PDSS1: variants seen among roughly 807,000 people sequenced by gnomAD.
The protein encoded by PDSS1 is decaprenyl diphosphate synthase subunit 1.
PDSS1 carries 43 observed loss-of-function variants against 57.5 expected under a neutral mutation model. That is an observed-to-expected ratio of 0.75 (90% CI 0.59 to 0.96). The LOEUF is 0.96. Among genes scored for constraint, PDSS1 ranks in the 50% least tolerant of loss-of-function variants. The pLI is 0.00. For synonymous variants in PDSS1, 175 were observed against 191.3 expected (o/e 0.91, Z 0.70); for missense variants, 438 against 527.8 (o/e 0.83, Z 1.67).
At position 26,746,510 on chromosome 10, in the gene PDSS1, G is replaced by T; in HGVS notation, c.*37G>T. 1 of 1,610,472 alleles carries T rather than the reference G, an allele frequency of 6.2e-7. No homozygotes were observed. Among genetic ancestry groups the T allele is most frequent in the South Asian group, 1.1e-5 (1 of 90,948 alleles). Reference sequence around the variant, plus strand: ...GTTCTTTCTGGCAGCTATCTTACCAGACTGTGCCTAAAGAATTTTGTGGAA... The same window carrying T: ...GTTCTTTCTGGCAGCTATCTTACCATACTGTGCCTAAAGAATTTTGTGGAA... On this transcript the variant is annotated 3_prime_UTR_variant, in exon 12 of 12. Coordinates refer to ENST00000376215, the MANE Select transcript of PDSS1 (RefSeq NM_014317.5).
At chr10:26,742,793 G>A (rs1348728091) in intron 11 of PDSS1, among the ~76,000 whole-genome samples, 2 of 150,812 alleles carry the variant, frequency 1.3e-5, no homozygotes, top group Non-Finnish European at 3.0e-5. Context: ...GTTTTAACTG[G>A]TCTTAGGTAA....
intron 10 of PDSS1, among the ~76,000 whole-genome samples, chr10:26,738,026 GAAGTTAGCC>G (rs1269531619): frequency 6.6e-6 from 1 of 152,218 alleles, no homozygotes; most frequent in African/African-American, 2.4e-5. Flanking sequence ...ACATGGGCCA[GAAGTTAGCC>G]AAGTATGTAT....
At chr10:26,703,877 C>T (rs575147944) in intron 2 of PDSS1, among the ~76,000 whole-genome samples, 11 of 151,518 alleles carry the variant, frequency 7.3e-5, no homozygotes, top group East Asian at 2.0e-4. Flanking sequence ...GTCAGGAGAT[C>T]GAGACCATCC....
chr10:26,701,328 A>G (rs1320994577), intron 1 of PDSS1, among the ~76,000 whole-genome samples: 2 of 152,212 alleles, frequency 1.3e-5, no homozygotes, highest in African/African-American at 4.8e-5. Context: ...AGCCAAGAGA[A>G]TGGGGAAAAT....
At chr10:26,739,864 C>T (rs1018884055) in intron 10 of PDSS1, among the ~76,000 whole-genome samples, 5 of 152,094 alleles carry the variant, frequency 3.3e-5, no homozygotes, top group African/African-American at 9.7e-5. Flanking sequence ...TGGCCAGGCA[C>T]GGTGGCTCAC....
chr10:26,725,387 T>C (rs933197084), intron 8 of PDSS1, among the ~76,000 whole-genome samples: 1 of 152,356 alleles, frequency 6.6e-6, no homozygotes, highest in African/African-American at 2.4e-5. Context: ...GACAATCTTT[T>C]CTTCCTAAAA....
At chr10:26,729,177 G>A (rs1836078471) in intron 8 of PDSS1, among the ~76,000 whole-genome samples, 1 of 151,946 alleles carries the variant, frequency 6.6e-6, no homozygotes, top group Non-Finnish European at 1.5e-5. Context: ...CTGGCTCTGT[G>A]TCCTCCATCA....
In PDSS1 at chr10:26,746,726, T is replaced by A; in HGVS notation, c.*253T>A. On this transcript the variant is annotated 3_prime_UTR_variant, in exon 12 of 12. Coordinates refer to ENST00000376215, the MANE Select transcript of PDSS1 (RefSeq NM_014317.5). The stretch of plus-strand genomic sequence containing the variant: ...ATCAAGGTATCTTGATGGTTATATG[T>A]GGTATTGTTTACACTGTTAATATCC... 1 of 487,524 alleles carries A rather than the reference T, an allele frequency of 2.1e-6. No individual in the cohort carries two copies. Among genetic ancestry groups the A allele is most frequent in the East Asian group, 3.7e-5 (1 of 27,218 alleles). 30.2% of individuals were successfully genotyped at this position (487,524 alleles called of 1,614,324 possible).
At chr10:26,734,237 A>G (rs1325737346) in intron 8 of PDSS1, among the ~76,000 whole-genome samples, 1 of 152,252 alleles carries the variant, frequency 6.6e-6, no homozygotes, top group Non-Finnish European at 1.5e-5. Flanking sequence ...TCACTCCCTG[A>G]CTGGAGAGCC....
intron 8 of PDSS1, 32 bp downstream of exon 8, chr10:26,724,155 G>T: frequency 7.1e-7 from 1 of 1,412,430 alleles, no homozygotes. Context: ...TCAAGTTAAA[G>T]CCTCATAGCT....
At chr10:26,701,071 C>G (rs1960383) in intron 1 of PDSS1, among the ~76,000 whole-genome samples, 1 of 151,978 alleles carries the variant, frequency 6.6e-6, no homozygotes, top group Non-Finnish European at 1.5e-5. Context: ...TTCCTGGGAA[C>G]TGGGCAAAGG....
intron 8 of PDSS1, among the ~76,000 whole-genome samples, chr10:26,734,329 GCTGGCTTTCTCATGGAGAGTCAA>G (rs1340118084): frequency 6.6e-6 from 1 of 152,236 alleles, no homozygotes; most frequent in Non-Finnish European, 1.5e-5. Context: ...CAGTGCTCCA[GCTGGCTTTCTCATGGAGAGTCAA>G]CAGAGACATT....
intron 8 of PDSS1, among the ~76,000 whole-genome samples, chr10:26,725,527 T>A (rs1835922673): frequency 6.6e-6 from 1 of 152,016 alleles, no homozygotes; most frequent in African/African-American, 2.4e-5. Flanking sequence ...GTTTTTTTTT[T>A]AAAGTGAGAT....
At chr10:26,734,771 T>C in intron 8 of PDSS1, 1 of 456,030 alleles carries the variant, frequency 2.2e-6, no homozygotes, top group South Asian at 1.5e-5. Flanking sequence ...GATGGGAAAA[T>C]TGTGTGTGAT....
intron 4 of PDSS1, among the ~76,000 whole-genome samples, chr10:26,708,370 A>G (rs1454125049): frequency 6.6e-6 from 1 of 152,174 alleles, no homozygotes; most frequent in East Asian, 1.9e-4. Context: ...TTTGTGAATC[A>G]GAACCCTGTT....
intron 5 of PDSS1, among the ~76,000 whole-genome samples, chr10:26,718,336 T>A (rs1379275931): frequency 6.6e-6 from 1 of 152,016 alleles, no homozygotes; most frequent in Non-Finnish European, 1.5e-5. Flanking sequence ...AACCTGTAAC[T>A]GTGCCTAGAC....
At chr10:26,707,221 G>A (rs772915158) in intron 4 of PDSS1, among the ~76,000 whole-genome samples, 3 of 152,112 alleles carry the variant, frequency 2.0e-5, no homozygotes, top group Non-Finnish European at 2.9e-5. Flanking sequence ...AGTTTTCCTA[G>A]AAGGACATAC....
chr10:26,726,882 CA>C (rs1457015381), intron 8 of PDSS1, among the ~76,000 whole-genome samples: 1 of 151,950 alleles, frequency 6.6e-6, no homozygotes, highest in Non-Finnish European at 1.5e-5. Flanking sequence ...GCCAACATGG[CA>C]AAACCCCGTC....
At chr10:26,722,236 C>A (rs1031980381) in intron 6 of PDSS1, among the ~76,000 whole-genome samples, 26 of 152,108 alleles carry the variant, frequency 1.7e-4, no homozygotes, top group African/African-American at 5.1e-4. Flanking sequence ...ACTTTATAGG[C>A]ATATACTTAC....
Sources: gnomAD v4.1 joint callset for allele counts (sites outside exome capture counted in the v4.1 genomes callset) on GRCh38, gnomAD v4.1.1 for gene constraint, MANE v1.5 for transcripts, NCBI Gene and HGNC (gene_info 2026-07-23, HGNC 2026-07-21) for gene names.